RIOX2: variants seen among roughly 807,000 people sequenced by gnomAD.
The protein encoded by RIOX2 is 60S ribosomal protein L27a histidine hydroxylase.
In RIOX2, 43 loss-of-function variants were observed where a neutral mutation model predicts 51.2. The ratio of observed to expected loss-of-function variants is 0.84; its 90% confidence interval spans 0.66 to 1.08. RIOX2 has a LOEUF of 1.08. Ranked by LOEUF, RIOX2 falls within the 50% of genes least tolerant of loss-of-function variation. RIOX2 has a pLI of 0.00. For missense variants in RIOX2, 566 were observed against 561.7 expected, an observed-to-expected ratio of 1.01 and a Z score of -0.08; for synonymous variants, 226 against 218.5, an observed-to-expected ratio of 1.03 and a Z score of -0.30.
At position 97,942,448 on chromosome 3, in the gene RIOX2, G is replaced by C; in HGVS notation, c.*2736C>G. Reference sequence around the variant, plus strand: ...AACTTGTCCTTGATGTTAAAGGTGGGCCTTTGATGATACCCAATGTTGTGT... The same window carrying C: ...AACTTGTCCTTGATGTTAAAGGTGGCCCTTTGATGATACCCAATGTTGTGT... On this transcript the variant is annotated 3_prime_UTR_variant, in exon 10 of 10. Transcript: ENST00000394198. 6.2e-7 allele frequency: 1 copy of C among 1,604,696 alleles called. No individual in the cohort carries two copies. Among genetic ancestry groups the C allele is most frequent in the Non-Finnish European group, 8.5e-7 (1 of 1,174,668 alleles).
chr3:97,952,063 A>G, intron 5 of RIOX2: 4 of 758,784 alleles, frequency 5.3e-6, no homozygotes, highest in Non-Finnish European at 7.9e-6. Context: ...ACTTTGGTAA[A>G]ACAACCAAAT....
At chr3:97,952,377 T>C in intron 5 of RIOX2, 1 of 501,966 alleles carries the variant, frequency 2.0e-6, no homozygotes, top group Non-Finnish European at 3.5e-6. Flanking sequence ...AGAGAAGAAA[T>C]GAATAGGACC....
At chr3:97,953,225 T>C (rs569271528) in intron 5 of RIOX2, among the ~76,000 whole-genome samples, 6 of 152,278 alleles carry the variant, frequency 3.9e-5, no homozygotes, top group African/African-American at 1.4e-4. Flanking sequence ...GAGTCTCCTC[T>C]GCAAACCTAC....
At chr3:97,962,624 G>A (rs970665747) in intron 2 of RIOX2, among the ~76,000 whole-genome samples, 1 of 152,170 alleles carries the variant, frequency 6.6e-6, no homozygotes, top group African/African-American at 2.4e-5. Context: ...GAGAGAGAAG[G>A]AAGTCTGATT....
rs769514854 is a variant in RIOX2 at position 97,943,281 on chromosome 3, A to G, written c.*1903T>C. On this transcript the variant is annotated 3_prime_UTR_variant, in exon 10 of 10. Coordinates refer to ENST00000394198, the MANE Select transcript of RIOX2 (RefSeq NM_153182.4). ...TTGTAAATCAGCCCCTGGAGGGAGA[A>G]GAAACACAGAAATGGGACATTGAAA... 36 of 1,589,114 alleles carry G rather than the reference A, an allele frequency of 2.3e-5. No individual in the cohort carries two copies. The East Asian group carries it at 6.0e-4, about 27-fold the overall frequency.
intron 2 of RIOX2, among the ~76,000 whole-genome samples, chr3:97,966,734 C>A (rs1705905129): frequency 6.6e-6 from 1 of 152,054 alleles, no homozygotes; most frequent in Admixed American, 6.5e-5. Context: ...TAGATGCAGG[C>A]AGTAAAGGGA....
In RIOX2 at chr3:97,943,644, A is replaced by T; in HGVS notation, c.*1540T>A. 1 of 278,970 alleles carries T rather than the reference A, an allele frequency of 3.6e-6. No individual in the cohort carries two copies. Among genetic ancestry groups the T allele is most frequent in the Non-Finnish European group, 6.6e-6 (1 of 151,230 alleles). 17.3% of individuals were successfully genotyped at this position (278,970 alleles called of 1,614,324 possible). A position where few individuals can be genotyped will look rare whatever the true frequency, so the allele number is the denominator to read the frequency against. ...TGAATCCTGTTCCTGATGGCCCGTT[A>T]TTGGACACTGGTGATGCTATTATCC... On this transcript the variant is annotated 3_prime_UTR_variant, in exon 10 of 10. Coordinates refer to ENST00000394198, the MANE Select transcript of RIOX2 (RefSeq NM_153182.4).
chr3:97,945,201 A>C lies in RIOX2; in HGVS notation c.1381T>G (p.Leu461Val). 6.2e-7 allele frequency: 1 copy of C among 1,609,888 alleles called. No individual in the cohort carries two copies. Among genetic ancestry groups the C allele is most frequent in the Non-Finnish European group, 8.5e-7 (1 of 1,178,140 alleles). The change falls in exon 10 of 10, where the codon TTA (leucine) becomes GTA (valine). Residue 461 changes from leucine (L) to valine (V), a missense_variant. Physicochemically the swap from Leu to Val is conservative, Grantham distance 32. Transcript: ENST00000394198. ...CAAAGGCACTAGACTACTTGAATTA[A>C]ACATTCTGTCCAGAGGGATAATACC... ...SLVLSLWTEC[L>V]IQVV
chr3:97,963,697 A>C (rs529543917), intron 2 of RIOX2, among the ~76,000 whole-genome samples: 5 of 152,120 alleles, frequency 3.3e-5, no homozygotes, highest in African/African-American at 1.2e-4. Flanking sequence ...AGGTGATTTT[A>C]TGGTTCCCGA....
intron 3 of RIOX2, 65 bp from the exon 4 acceptor site, chr3:97,959,244 C>T (rs548625821): frequency 2.3e-5 from 35 of 1,545,012 alleles, no homozygotes; most frequent in South Asian, 9.6e-5. Flanking sequence ...AAAGTGCTTC[C>T]GGACTATTAG....
At chr3:97,949,803 C>T (rs1254783733) in intron 7 of RIOX2, 41 bp downstream of exon 7, 2 of 1,588,334 alleles carry the variant, frequency 1.3e-6, no homozygotes, top group Admixed American at 1.8e-5. Context: ...AAACATCCTG[C>T]ATTAGCCTCT....
At chr3:97,965,243 G>A (rs1320193074) in intron 2 of RIOX2, among the ~76,000 whole-genome samples, 1 of 148,038 alleles carries the variant, frequency 6.8e-6, no homozygotes, top group Non-Finnish European at 1.5e-5. Flanking sequence ...CCAGCACAGT[G>A]GCTCACGCCT....
Position 97,949,835 on chromosome 3 carries a change from A to C in RIOX2, c.1060+9T>G, listed in dbSNP as rs1192455588. On this transcript the variant is annotated intron_variant, in intron 7 of 9. Transcript: ENST00000394198. ...CTCTGACCACCCAGAAGAAAACAGC[A>C]AGCTCCACCTGGTGTTGACAGCTCT... is the stretch of plus-strand genomic sequence containing the variant. The C allele has an allele frequency of 6.2e-7, 1 of 1,612,162 alleles. No individual in the cohort carries two copies. Among genetic ancestry groups the C allele is most frequent in the East Asian group, 2.2e-5 (1 of 44,806 alleles).
chr3:97,962,356 A>AACCC (rs1705712650), intron 2 of RIOX2, among the ~76,000 whole-genome samples: 2 of 70,196 alleles, frequency 2.8e-5, no homozygotes, highest in South Asian at 6.7e-4. Context: ...GAATGCTAAG[A>AACCC]CCCCCCCCCC....
chr3:97,949,894 T>C lies in RIOX2; in HGVS notation c.1010A>G (p.His337Arg). The C allele has an allele frequency of 6.2e-7, 1 of 1,613,890 alleles. No individual in the cohort carries two copies. The highest frequency in any genetic ancestry group is 1.1e-5 in the South Asian group (1 of 91,058). Residue 337 changes from histidine to arginine, a missense_variant, in exon 7 of 10, where the codon CAC (histidine) becomes CGC (arginine). Physicochemically the swap from His to Arg is conservative, Grantham distance 29. Transcript: ENST00000394198. Reference sequence around the variant, plus strand: ...TCCCGCAGAGTAAGGGGGGAGTCTGTGCATAATAAAATCCTTCTTCATGTC... The same window carrying C: ...TCCCGCAGAGTAAGGGGGGAGTCTGCGCATAATAAAATCCTTCTTCATGTC... ...SSDMKKDFIM[H>R]RLPPYSAGDG...
At chr3:97,966,667 C>A (rs1368594718) in intron 2 of RIOX2, among the ~76,000 whole-genome samples, 2 of 152,208 alleles carry the variant, frequency 1.3e-5, no homozygotes, top group African/African-American at 4.8e-5. Context: ...AGGGTGAAGT[C>A]TCTTTATTGG....
intron 7 of RIOX2, among the ~76,000 whole-genome samples, chr3:97,949,225 C>A (rs1169931017): frequency 6.6e-6 from 1 of 152,048 alleles, no homozygotes; most frequent in South Asian, 2.1e-4. Flanking sequence ...CGGTGAGTGA[C>A]TTCTTGTTCC....
rs1405515929 is a variant in RIOX2, at chr3:97,945,175, G to A, written c.*9C>T. The A allele has an allele frequency of 1.3e-6, 2 of 1,594,896 alleles. No homozygotes were observed. The highest frequency in any genetic ancestry group is 3.6e-5 in the Admixed American group (2 of 55,832). ...TATAAAATAGTAGGCATTTGATTCT[G>A]CAAAGGCACTAGACTACTTGAATTA... On this transcript the variant is annotated 3_prime_UTR_variant, in exon 10 of 10. Coordinates refer to ENST00000394198, the MANE Select transcript of RIOX2 (RefSeq NM_153182.4).
chr3:97,967,640 AAG>A lies in RIOX2; in HGVS notation c.-39-10_-39-9del, dbSNP rs760747656. ...CAGTAAGGAAATGCAAACCTACCAA[AAG>A]AACAAAACACACATGGTTAGGTTTA... On this transcript the variant is annotated splice_polypyrimidine_tract_variant and intron_variant, in intron 1 of 9. Coordinates refer to ENST00000394198, the MANE Select transcript of RIOX2 (RefSeq NM_153182.4). 2.8e-5 allele frequency: 42 copies of A among 1,507,090 alleles called. No homozygotes were observed. In the Admixed American group the frequency reaches 3.4e-4, roughly 12 times the overall value. 93.4% of individuals were successfully genotyped at this position (1,507,090 alleles called of 1,614,324 possible).
Sources: gnomAD v4.1 joint callset for allele counts (sites outside exome capture counted in the v4.1 genomes callset) on GRCh38, gnomAD v4.1.1 for gene constraint, MANE v1.5 for transcripts, NCBI Gene and HGNC (gene_info 2026-07-23, HGNC 2026-07-21) for gene names.